The following EIF2S1 variants were observed in gnomAD, a reference collection of about 807,000 sequenced individuals.
EIF2S1 encodes eukaryotic translation initiation factor 2 subunit 1.
Under a neutral mutation model 33.5 loss-of-function variants are expected in EIF2S1, and 5 were observed. The ratio of observed to expected loss-of-function variants is 0.15; its 90% CI spans 0.08 to 0.31. The LOEUF is 0.31. Among genes scored for constraint, EIF2S1 ranks in the 10% least tolerant of loss-of-function variants. The pLI is 1.00. For missense variants in EIF2S1, 191 were observed against 384.6 expected (o/e 0.50, Z 4.21); for synonymous variants, 99 against 127.5 (o/e 0.78, Z 1.51).
intron 2 of EIF2S1, among the ~76,000 whole-genome samples, chr14:67,366,821 A>G (rs989558104): frequency 1.4e-4 from 21 of 152,334 alleles, no homozygotes; most frequent in Non-Finnish European, 2.6e-4. Context: ...TTTGAAGGTG[A>G]GTCGACACTT....
chr14:67,366,274 T>C (rs1203019374), intron 2 of EIF2S1, among the ~76,000 whole-genome samples: 2 of 152,126 alleles, frequency 1.3e-5, no homozygotes, highest in African/African-American at 4.8e-5. Flanking sequence ...GGGGTCTTGC[T>C]GTGTTGCCCA....
At chr14:67,365,187 A>G (rs142554352) in intron 2 of EIF2S1, among the ~76,000 whole-genome samples, 179 bp downstream of exon 2, 163 of 152,358 alleles carry the variant, frequency 1.1e-3, no homozygotes, top group African/African-American at 3.7e-3. Flanking sequence ...AGATCTCTTA[A>G]TAGTAGTTTA....
chr14:67,375,340 C>A (rs544221223), intron 3 of EIF2S1, among the ~76,000 whole-genome samples: 2 of 151,680 alleles, frequency 1.3e-5, no homozygotes, highest in African/African-American at 4.8e-5. Context: ...ACTGCAACCA[C>A]CTCCTCCTGG....
intron 2 of EIF2S1, among the ~76,000 whole-genome samples, chr14:67,373,356 A>C (rs931300467): frequency 1.6e-4 from 24 of 152,238 alleles, no homozygotes; most frequent in Admixed American, 1.5e-3. Flanking sequence ...AAGAATGCTC[A>C]GAATCTGAAA....
Position 67,385,985 on chromosome 14 carries a change from C to T in EIF2S1, c.*2545C>T, listed in dbSNP as rs185318407. The stretch of plus-strand genomic sequence containing the variant: ...AAAAATACAAATGCCAGTACCTTGC[C>T]GAGACTTGTTCACTGATTTGCCCCA... On this transcript the variant is annotated 3_prime_UTR_variant, in exon 8 of 8. Coordinates refer to ENST00000256383, the MANE Select transcript of EIF2S1 (RefSeq NM_004094.5). 5 of 152,112 alleles carry T rather than the reference C, an allele frequency of 3.3e-5. No homozygotes were observed. The highest frequency in any genetic ancestry group is 1.3e-4 in the Admixed American group (2 of 15,256). 9.4% of individuals were successfully genotyped at this position (152,112 alleles called of 1,614,324 possible). A position where few individuals can be genotyped will look rare whatever the true frequency, so the allele number is the denominator to read the frequency against.
chr14:67,378,316 T>G (rs1005159904), intron 4 of EIF2S1, among the ~76,000 whole-genome samples: 5 of 115,642 alleles, frequency 4.3e-5, no homozygotes, highest in Non-Finnish European at 8.4e-5. Context: ...TCATGTGACT[T>G]TTTTTTTTTT....
chr14:67,365,762 C>A (rs1315113316), intron 2 of EIF2S1, among the ~76,000 whole-genome samples: 1 of 152,186 alleles, frequency 6.6e-6, no homozygotes, highest in Non-Finnish European at 1.5e-5. Flanking sequence ...ATATCAGTCA[C>A]CTTGATTCAA....
intron 4 of EIF2S1, among the ~76,000 whole-genome samples, chr14:67,378,897 G>A (rs2085871635): frequency 6.6e-6 from 1 of 152,166 alleles, no homozygotes; most frequent in African/African-American, 2.4e-5. Context: ...CTGAAATTAT[G>A]TATCAATATC....
At chr14:67,373,445 T>C (rs1325789150) in intron 2 of EIF2S1, among the ~76,000 whole-genome samples, 1 of 152,178 alleles carries the variant, frequency 6.6e-6, no homozygotes, top group African/African-American at 2.4e-5. Flanking sequence ...TTTGACAAAA[T>C]TTGTCACCCA....
At chr14:67,376,376 T>C in intron 3 of EIF2S1, 63 bp from the exon 4 acceptor site, 1 of 1,451,952 alleles carries the variant, frequency 6.9e-7, no homozygotes, top group African/African-American at 1.4e-5. Context: ...TTTACTAAAA[T>C]GTAAAAACAT....
chr14:67,379,723 C>T (rs1181030406), intron 4 of EIF2S1, among the ~76,000 whole-genome samples: 2 of 127,958 alleles, frequency 1.6e-5, no homozygotes, highest in Non-Finnish European at 3.0e-5. Context: ...GGCGGGATCT[C>T]GGCTCACTGC....
At position 67,383,307 on chromosome 14, in the gene EIF2S1, T is replaced by C. The variant is rs2085899841; in HGVS notation, c.823-8T>C. ...CTTCAGTTTGAAATTATACCTCTGC[T>C]TCCACAGCCCAAAGTGGTCACAGAT... On this transcript the variant is annotated splice_region_variant and splice_polypyrimidine_tract_variant and intron_variant, in intron 7 of 7. Transcript: ENST00000256383. 2 of 1,612,628 alleles carry C rather than the reference T, an allele frequency of 1.2e-6. No homozygotes were observed. Among genetic ancestry groups the C allele is most frequent in the East Asian group, 4.5e-5 (2 of 44,828 alleles).
At position 67,383,480 on chromosome 14, in the gene EIF2S1, A is replaced by G; in HGVS notation, c.*40A>G. 3.1e-6 allele frequency: 5 copies of G among 1,608,724 alleles called. No individual in the cohort carries two copies. The highest frequency in any genetic ancestry group is 4.2e-6 in the Non-Finnish European group (5 of 1,176,552). On this transcript the variant is annotated 3_prime_UTR_variant, in exon 8 of 8. Coordinates refer to ENST00000256383, the MANE Select transcript of EIF2S1 (RefSeq NM_004094.5). ...GAGTCCAATTTAAGGAACACAGAGC[A>G]GCGCTTCCTGGCTGTAAATCCTAGA...
In EIF2S1 at chr14:67,383,523, A is replaced by T. The variant is rs1376157986; in HGVS notation, c.*83A>T. Reference sequence around the variant, plus strand: ...ATCCTAGACTTGAAAGTTTTCCAGTATTGAAAACTTCAAAGCTGAATATTT... The same window carrying T: ...ATCCTAGACTTGAAAGTTTTCCAGTTTTGAAAACTTCAAAGCTGAATATTT... On this transcript the variant is annotated 3_prime_UTR_variant, in exon 8 of 8. Coordinates refer to ENST00000256383, the MANE Select transcript of EIF2S1 (RefSeq NM_004094.5). 1 of 1,561,534 alleles carries T rather than the reference A, an allele frequency of 6.4e-7. No homozygotes were observed. The highest frequency in any genetic ancestry group is 8.7e-7 in the Non-Finnish European group (1 of 1,144,592).
intron 3 of EIF2S1, among the ~76,000 whole-genome samples, chr14:67,375,788 A>G (rs1465006517): frequency 6.6e-6 from 1 of 152,224 alleles, no homozygotes; most frequent in African/African-American, 2.4e-5. Flanking sequence ...TTTTAGAAAT[A>G]CAGACTCTCA....
rs1290041663 is a variant in EIF2S1 at position 67,383,606 on chromosome 14, T to C, written c.*166T>C. ...TCAGAACATGAAATGCCCTCCTAAA[T>C]GTCAGCTGTTGTCACACAGTAGCTC... On this transcript the variant is annotated 3_prime_UTR_variant, in exon 8 of 8. Transcript: ENST00000256383. 2.2e-6 allele frequency: 2 copies of C among 914,664 alleles called. No homozygotes were observed. Among genetic ancestry groups the C allele is most frequent in the Admixed American group, 4.4e-5 (2 of 45,944 alleles). 56.7% of individuals were successfully genotyped at this position (914,664 alleles called of 1,614,324 possible).
At chr14:67,382,888 T>C (rs2085895747) in intron 7 of EIF2S1, among the ~76,000 whole-genome samples, 1 of 149,480 alleles carries the variant, frequency 6.7e-6, no homozygotes, top group African/African-American at 2.5e-5. Flanking sequence ...AAGAAAGAAG[T>C]GTGTGTACGT....
chr14:67,374,574 TC>T, intron 3 of EIF2S1, 27 bp downstream of exon 3: 1 of 1,451,002 alleles, frequency 6.9e-7, no homozygotes, highest in Non-Finnish European at 9.6e-7. Flanking sequence ...GTCAAATTAG[TC>T]CACTATCTGT....
At chr14:67,366,724 A>C (rs879354584) in intron 2 of EIF2S1, among the ~76,000 whole-genome samples, 1 of 152,180 alleles carries the variant, frequency 6.6e-6, no homozygotes, top group Non-Finnish European at 1.5e-5. Flanking sequence ...AAGCCTTTCA[A>C]CGTAAATGCC....
Sources: allele counts gnomAD v4.1 joint callset (sites outside exome capture counted in the v4.1 genomes callset), GRCh38; gene constraint gnomAD v4.1.1; transcripts MANE v1.5; gene names NCBI Gene and HGNC (gene_info 2026-07-23, HGNC 2026-07-21).